The following CMTM7 variants were observed in gnomAD, a reference collection of about 807,000 sequenced individuals.
CMTM7 encodes the protein CKLF like MARVEL transmembrane domain containing 7.
CMTM7 carries 7 observed loss-of-function variants against 19.3 expected under a neutral mutation model. The observed-to-expected ratio is 0.36, with a 90% CI of 0.21 to 0.68. The LOEUF (loss-of-function observed/expected upper bound fraction) is 0.68, where lower values mean the gene tolerates loss of function less well. CMTM7 is among the 30% of genes least tolerant of loss of function. CMTM7 has a pLI of 0.60. For synonymous variants in CMTM7, 87 were observed against 99.3 expected (o/e 0.88, Z 0.74); for missense variants, 193 against 232.6 (o/e 0.83, Z 1.11).
chr3:32,424,759 G>A (rs918067317), intron 1 of CMTM7, among the ~76,000 whole-genome samples: 1 of 152,046 alleles, frequency 6.6e-6, no homozygotes, highest in African/African-American at 2.4e-5. Flanking sequence ...AATCCTCCCA[G>A]CCTCGGCCTT....
At chr3:32,434,608 T>C (rs1043544354) in intron 1 of CMTM7, among the ~76,000 whole-genome samples, 20 of 91,798 alleles carry the variant, frequency 2.2e-4, no homozygotes, top group African/African-American at 8.2e-4. Flanking sequence ...TTTCTTTTCT[T>C]TTTTTTTTTT....
intron 1 of CMTM7, among the ~76,000 whole-genome samples, chr3:32,438,385 A>C (rs1276723876): frequency 2.0e-5 from 3 of 152,168 alleles, no homozygotes; most frequent in African/African-American, 7.2e-5. Flanking sequence ...TTTGTCACCC[A>C]GGAATTAAGC....
At chr3:32,424,833 A>T (rs901101028) in intron 1 of CMTM7, among the ~76,000 whole-genome samples, 1 of 152,052 alleles carries the variant, frequency 6.6e-6, no homozygotes, top group Non-Finnish European at 1.5e-5. Flanking sequence ...TTTTGTAGAG[A>T]TGGGGTTTTG....
intron 1 of CMTM7, among the ~76,000 whole-genome samples, chr3:32,417,883 A>G (rs538148456): frequency 3.0e-4 from 46 of 152,224 alleles, no homozygotes; most frequent in African/African-American, 1.0e-3. Flanking sequence ...GTGCAGTAGC[A>G]TGATCTCAGC....
chr3:32,422,672 T>G (rs1696362867), intron 1 of CMTM7, among the ~76,000 whole-genome samples: 1 of 152,232 alleles, frequency 6.6e-6, no homozygotes, highest in Non-Finnish European at 1.5e-5. Flanking sequence ...TAGCTTTTGC[T>G]AGATAACAAA....
intron 1 of CMTM7, among the ~76,000 whole-genome samples, chr3:32,426,392 T>G (rs1447553381): frequency 6.6e-6 from 1 of 152,150 alleles, no homozygotes; most frequent in Non-Finnish European, 1.5e-5. Flanking sequence ...GCTACATTTT[T>G]CATAATTACA....
intron 1 of CMTM7, among the ~76,000 whole-genome samples, chr3:32,411,393 T>G (rs1489500728): frequency 6.6e-6 from 1 of 152,210 alleles, no homozygotes; most frequent in African/African-American, 2.4e-5. Flanking sequence ...TTGGTTAAGA[T>G]ATCCCTAAAA....
At chr3:32,435,161 T>C (rs994522106) in intron 1 of CMTM7, among the ~76,000 whole-genome samples, 1 of 152,200 alleles carries the variant, frequency 6.6e-6, no homozygotes, top group African/African-American at 2.4e-5. Flanking sequence ...CTCAACACTT[T>C]GGGAGGCCGA....
chr3:32,401,725 C>T (rs902175002), intron 1 of CMTM7, among the ~76,000 whole-genome samples: 3 of 151,132 alleles, frequency 2.0e-5, no homozygotes, highest in African/African-American at 7.4e-5. Flanking sequence ...CGCTGGCCTT[C>T]TTTGTTACTA....
At chr3:32,447,582 T>C (rs920211423) in intron 2 of CMTM7, among the ~76,000 whole-genome samples, 3 of 152,232 alleles carry the variant, frequency 2.0e-5, no homozygotes, top group African/African-American at 7.2e-5. Context: ...ATTTTTCTCA[T>C]TTTTCACTTC....
chr3:32,407,768 G>T (rs957454271), intron 1 of CMTM7, among the ~76,000 whole-genome samples: 2 of 152,180 alleles, frequency 1.3e-5, no homozygotes, highest in South Asian at 2.1e-4. Context: ...CCTGATGGGG[G>T]TCTGCGTGCT....
At chr3:32,432,148 C>G (rs2125635520) in intron 1 of CMTM7, among the ~76,000 whole-genome samples, 2 of 152,358 alleles carry the variant, frequency 1.3e-5, no homozygotes, top group Middle Eastern at 6.8e-3. Context: ...GGCAAGTGAC[C>G]TGCCCTTGGT....
At position 32,449,348 on chromosome 3, in the gene CMTM7, A is replaced by C; in HGVS notation, c.334-106A>C. 1.2e-6 allele frequency: 1 copy of C among 817,070 alleles called. No individual in the cohort carries two copies. 50.6% of individuals were successfully genotyped at this position (817,070 alleles called of 1,614,324 possible). On this transcript the variant is annotated intron_variant, in intron 2 of 4. Transcript: ENST00000334983. The surrounding 1 kb of genome is among the most constrained non-coding windows in gnomAD (Gnocchi z 4.5). ...TTGCGTGTTGCAAGGGAGAAGAGGA[A>C]GCGTCACTCTCTCCCTTTCTTTTCA...
Position 32,433,284 on chromosome 3 carries a change from C to T in CMTM7, c.160-8556C>T, listed in dbSNP as rs150164337. ...AACTTTCTAAATGTGATCCTGATGACCTTTGCCAGTGAAGTACGGTGGTGA... is the reference window on the plus strand; with the variant it reads ...AACTTTCTAAATGTGATCCTGATGATCTTTGCCAGTGAAGTACGGTGGTGA... On this transcript the variant is annotated intron_variant, in intron 1 of 4. Transcript: ENST00000334983. Among the ~76,000 whole-genome samples, 33 of 152,314 alleles carry T rather than the reference C, an allele frequency of 2.2e-4. No individual in the cohort carries two copies. In the East Asian group the frequency reaches 6.2e-3, roughly 28 times the overall value.
chr3:32,399,994 T>C (rs1351758425), intron 1 of CMTM7, among the ~76,000 whole-genome samples: 1 of 152,220 alleles, frequency 6.6e-6, no homozygotes, highest in Non-Finnish European at 1.5e-5. Context: ...AAGTATTTTA[T>C]AGTAGATACA....
chr3:32,445,389 A>G (rs143919404), intron 2 of CMTM7, among the ~76,000 whole-genome samples: 100 of 152,332 alleles, frequency 6.6e-4, no homozygotes, highest in African/African-American at 2.3e-3. Flanking sequence ...CCCTTCTAGC[A>G]TTACTTTGTT....
intron 1 of CMTM7, among the ~76,000 whole-genome samples, chr3:32,400,824 G>A (rs1695991659): frequency 6.6e-6 from 1 of 152,166 alleles, no homozygotes; most frequent in Non-Finnish European, 1.5e-5. Context: ...GTGGCTCTGG[G>A]AGCTTCCAGT....
intron 2 of CMTM7, among the ~76,000 whole-genome samples, chr3:32,443,639 G>A (rs1020870946): frequency 8.5e-5 from 13 of 152,148 alleles, no homozygotes; most frequent in African/African-American, 2.7e-4. Context: ...TTGAGGAACC[G>A]CCAGACTGTA....
In CMTM7 at chr3:32,453,662, G is replaced by A. The variant is rs186174687; in HGVS notation, c.515-579G>A. On this transcript the variant is annotated intron_variant, in intron 4 of 4. Coordinates refer to ENST00000334983, the MANE Select transcript of CMTM7 (RefSeq NM_138410.4). ...TAGAGACACAAGGTAGACCCATGGC[G>A]GCCTGGGGCTGCTGGGAGAGGACTC... Among the ~76,000 whole-genome samples the A allele has an allele frequency of 3.3e-3, 499 of 152,280 alleles. 3 individuals are homozygous for A. Among genetic ancestry groups the A allele is most frequent in the African/African-American group, 0.011 (473 of 41,552 alleles).
Sources: gnomAD v4.1 joint callset for allele counts (sites outside exome capture counted in the v4.1 genomes callset) on GRCh38, gnomAD v4.1.1 for gene constraint, Gnocchi (gnomAD v3.1) non-coding constraint, MANE v1.5 for transcripts, NCBI Gene and HGNC (gene_info 2026-07-23, HGNC 2026-07-21) for gene names.